LSAMP: variants seen among roughly 807,000 people sequenced by gnomAD.
LSAMP encodes the protein limbic system associated membrane protein, also known as limbic system-associated membrane protein.
A neutral mutation model predicts 38.6 loss-of-function variants in LSAMP; 7 were observed. That is an observed-to-expected ratio of 0.18 (90% confidence interval 0.10 to 0.34). The LOEUF (loss-of-function observed/expected upper bound fraction) is 0.34. Among genes scored for constraint, LSAMP ranks in the 10% least tolerant of loss-of-function variants. The pLI, the probability that LSAMP is intolerant of heterozygous loss-of-function variation, is 1.00. For missense variants in LSAMP, 313 were observed against 420.0 expected, an observed-to-expected ratio of 0.75 and a Z score of 2.23; for synonymous variants, 154 against 166.8, an observed-to-expected ratio of 0.92 and a Z score of 0.59.
rs575648346 is a variant in LSAMP, at chr3:116,226,971, T to G, written c.156-140415A>C. Among the ~76,000 whole-genome samples the G allele has an allele frequency of 2.0e-5, 3 of 152,330 alleles. No individual in the cohort carries two copies. The East Asian group carries it at 5.8e-4, about 29-fold the overall frequency. The stretch of plus-strand genomic sequence containing the variant: ...TTTTCAGAAATACATAACCAACATT[T>G]TATTCTGATTTTGTCTGTCCCTGAC... On this transcript the variant is annotated intron_variant, in intron 1 of 6. Coordinates refer to ENST00000490035, the MANE Select transcript of LSAMP (RefSeq NM_002338.5).
intron 2 of LSAMP, among the ~76,000 whole-genome samples, chr3:116,072,826 T>C (rs1380834795): frequency 2.0e-5 from 3 of 150,490 alleles, no homozygotes; most frequent in African/African-American, 7.3e-5. Flanking sequence ...AATGGATAGA[T>C]TGCAAGATTT....
At chr3:115,988,062 C>T (rs1256753886) in intron 3 of LSAMP, among the ~76,000 whole-genome samples, 1 of 152,104 alleles carries the variant, frequency 6.6e-6, no homozygotes, top group Non-Finnish European at 1.5e-5. Context: ...TCTTCATGAT[C>T]CCATCTCCTC....
intron 2 of LSAMP, among the ~76,000 whole-genome samples, chr3:116,022,505 G>C (rs184384747): frequency 4.6e-5 from 7 of 152,120 alleles, no homozygotes; most frequent in African/African-American, 1.7e-4. Flanking sequence ...GACAATTTCT[G>C]TTAGCTTGTT....
chr3:115,864,772 A>AGTACACTCTATTAATGT (rs1177344442), intron 3 of LSAMP, among the ~76,000 whole-genome samples: 2 of 152,160 alleles, frequency 1.3e-5, no homozygotes, highest in East Asian at 3.8e-4. Flanking sequence ...TGATTAATAG[A>AGTACACTCTATTAATGT]GTGTACATGG....
At chr3:116,121,024 C>T (rs1708863551) in intron 1 of LSAMP, among the ~76,000 whole-genome samples, 1 of 152,172 alleles carries the variant, frequency 6.6e-6, no homozygotes, top group Non-Finnish European at 1.5e-5. Context: ...AGGTTAAGAA[C>T]ACTCAGACTA....
intron 3 of LSAMP, among the ~76,000 whole-genome samples, chr3:115,879,644 T>G (rs557726730): frequency 1.6e-4 from 25 of 152,262 alleles, no homozygotes; most frequent in African/African-American, 6.0e-4. Flanking sequence ...CTTCAGGGGC[T>G]CACAGTTGAG....
chr3:115,951,933 A>G (rs1938304442), intron 3 of LSAMP, among the ~76,000 whole-genome samples: 1 of 152,194 alleles, frequency 6.6e-6, no homozygotes, highest in South Asian at 2.1e-4. Context: ...TTCTCAAAAG[A>G]AGATATACAA....
chr3:116,051,144 T>A (rs1941388489), intron 2 of LSAMP: 1 of 152,058 alleles, frequency 6.6e-6, no homozygotes, highest in Non-Finnish European at 1.5e-5. Flanking sequence ...AAGAAAGAAA[T>A]CACTTCAGTA....
intron 3 of LSAMP, among the ~76,000 whole-genome samples, chr3:115,877,177 C>G (rs186691152): frequency 6.6e-6 from 1 of 152,158 alleles, no homozygotes; most frequent in African/African-American, 2.4e-5. Context: ...AACTGACATC[C>G]GGGATAACAA....
At chr3:116,405,543 T>C (rs1299557874) in intron 1 of LSAMP, among the ~76,000 whole-genome samples, 1 of 152,022 alleles carries the variant, frequency 6.6e-6, no homozygotes, top group Middle Eastern at 3.2e-3. Context: ...AGAGGAGATG[T>C]TGCATCTTGA....
rs150835446 is a variant in LSAMP, at chr3:115,947,552, G to T, written c.514+71963C>A. 5.0e-4 allele frequency among the ~76,000 whole-genome samples: 76 copies of T among 152,206 alleles called. 1 individual carries two copies. The highest frequency in any genetic ancestry group is 1.2e-3 in the African/African-American group (49 of 41,538). On this transcript the variant is annotated intron_variant, in intron 3 of 6. Transcript: ENST00000490035. ...ATACTGACCACAAGAGAGGCATTTGGGTTTCTGGTAATGTTTTATTTCTTG... is the reference window on the plus strand; with the variant it reads ...ATACTGACCACAAGAGAGGCATTTGTGTTTCTGGTAATGTTTTATTTCTTG...
chr3:115,810,259 G>T lies in LSAMP; in HGVS notation c.*58C>A. ...TCTCTCTCTCTGTCTCTCTCTCTCT[G>T]TATTCTGTGTGACGCATTTTTGTGT... On this transcript the variant is annotated 3_prime_UTR_variant, in exon 7 of 7. Transcript: ENST00000490035. 2 of 1,083,442 alleles carry T rather than the reference G, an allele frequency of 1.8e-6. No homozygotes were observed. The highest frequency in any genetic ancestry group is 2.7e-6 in the Non-Finnish European group (2 of 737,574). The allele number at this position is 1,083,442 out of a possible 1,614,324, so 67.1% of individuals were successfully genotyped here. A position where few individuals can be genotyped will look rare whatever the true frequency, so the allele number is the denominator to read the frequency against.
At chr3:116,340,840 G>C (rs564339289) in intron 1 of LSAMP, among the ~76,000 whole-genome samples, 1 of 151,880 alleles carries the variant, frequency 6.6e-6, no homozygotes, top group East Asian at 1.9e-4. Context: ...CTACTTCTCC[G>C]TGTCTAGACT....
chr3:115,957,077 T>G (rs1938476731), intron 3 of LSAMP, among the ~76,000 whole-genome samples: 2 of 152,230 alleles, frequency 1.3e-5, no homozygotes, highest in South Asian at 2.1e-4. Flanking sequence ...TGATTCTATC[T>G]CCACTCCTCT....
intron 3 of LSAMP, among the ~76,000 whole-genome samples, chr3:115,876,182 G>A (rs1936174299): frequency 6.7e-6 from 1 of 148,556 alleles, no homozygotes; most frequent in East Asian, 2.0e-4. Context: ...CATTAGTCCT[G>A]TAGAGGATTT....
intron 1 of LSAMP, among the ~76,000 whole-genome samples, chr3:116,178,692 C>G (rs911453327): frequency 6.6e-6 from 1 of 152,174 alleles, no homozygotes; most frequent in African/African-American, 2.4e-5. Flanking sequence ...AGATTCTTGT[C>G]ACTTGGGAGC....
At chr3:115,829,713 C>T (rs938461771) in intron 6 of LSAMP, among the ~76,000 whole-genome samples, 3 of 152,046 alleles carry the variant, frequency 2.0e-5, no homozygotes, top group African/African-American at 7.2e-5. Context: ...TTTTGCAGCT[C>T]TTCTTAAATG....
intron 1 of LSAMP, among the ~76,000 whole-genome samples, chr3:116,201,376 C>T (rs2045984006): frequency 6.6e-6 from 1 of 152,170 alleles, no homozygotes; most frequent in Non-Finnish European, 1.5e-5. Flanking sequence ...GGGACAGTGT[C>T]TTAGTCACCT....
intron 3 of LSAMP, among the ~76,000 whole-genome samples, chr3:115,991,455 C>CTT (rs1410864828): frequency 8.5e-5 from 13 of 152,158 alleles, no homozygotes; most frequent in African/African-American, 3.1e-4. Context: ...TGTGGACACA[C>CTT]ACAGCACAAA....
Sources: gnomAD v4.1 joint callset for allele counts (sites outside exome capture counted in the v4.1 genomes callset) on GRCh38, gnomAD v4.1.1 for gene constraint, MANE v1.5 for transcripts, NCBI Gene and HGNC (gene_info 2026-07-23, HGNC 2026-07-21) for gene names.